The following DPEP1 variants were observed in gnomAD, a reference collection of about 807,000 sequenced individuals.
DPEP1 encodes the protein dipeptidase 1.
In DPEP1, 50 loss-of-function variants were observed where a neutral mutation model predicts 42.3. The ratio of observed to expected loss-of-function variants is 1.18; its 90% CI spans 0.94 to 1.50. The LOEUF (loss-of-function observed/expected upper bound fraction) is 1.50. DPEP1 is among the 40% of genes most tolerant of loss of function. The pLI, the probability that DPEP1 is intolerant of heterozygous loss-of-function variation, is 0.00. For synonymous variants in DPEP1, 297 were observed against 234.0 expected, an observed-to-expected ratio of 1.27 and a Z score of -2.46; for missense variants, 663 against 553.0, an observed-to-expected ratio of 1.20 and a Z score of -1.99.
At chr16:89,632,237 G>A (rs2059597547) in intron 2 of DPEP1, among the ~76,000 whole-genome samples, 1 of 152,112 alleles carries the variant, frequency 6.6e-6, no homozygotes. Flanking sequence ...ATTTTTAGTA[G>A]AGACAGGGTT....
chr16:89,640,882 C>T (rs900042454), downstream of DPEP1, among the ~76,000 whole-genome samples: 1 of 152,132 alleles, frequency 6.6e-6, no homozygotes, highest in Non-Finnish European at 1.5e-5. Context: ...CCGGTAGTGG[C>T]CCCGAATGCC....
chr16:89,637,620 C>T lies in DPEP1; in HGVS notation c.854-12C>T. 6.2e-7 allele frequency: 1 copy of T among 1,612,876 alleles called. No individual in the cohort carries two copies. ...CCTCACTCGGGACCCATACCTGCTG[C>T]TCCCTGGACAGACCATCTGGATCAC... On this transcript the variant is annotated splice_polypyrimidine_tract_variant and intron_variant, in intron 8 of 10. Transcript: ENST00000690203.
intron 1 of DPEP1, among the ~76,000 whole-genome samples, chr16:89,617,605 T>C (rs2059392067): frequency 6.6e-6 from 1 of 152,034 alleles, no homozygotes; most frequent in African/African-American, 2.4e-5. Flanking sequence ...CCCAGCACTT[T>C]GGGAGGCCGG....
At chr16:89,639,542 C>T, downstream of DPEP1, among the ~76,000 whole-genome samples, 1 of 133,620 alleles carries the variant, frequency 7.5e-6, no homozygotes, top group South Asian at 2.5e-4. Flanking sequence ...CACCTCTGCA[C>T]ACACACACAC....
chr16:89,640,523 C>T (rs115773273), downstream of DPEP1: 4,620 of 980,616 alleles, frequency 4.7e-3, 170 homozygotes, highest in African/African-American at 0.075. Flanking sequence ...GCTCTGAAGC[C>T]TCCAGAAGGG....
intron 1 of DPEP1, among the ~76,000 whole-genome samples, chr16:89,620,099 C>G (rs1176956696): frequency 6.6e-6 from 1 of 151,600 alleles, no homozygotes; most frequent in East Asian, 2.0e-4. Context: ...GCAGACCCTC[C>G]TTGGATTTCG....
chr16:89,628,547 C>G (rs1014056064), intron 1 of DPEP1, among the ~76,000 whole-genome samples: 5 of 151,894 alleles, frequency 3.3e-5, no homozygotes, highest in African/African-American at 1.2e-4. Context: ...TGTGAGCCAC[C>G]TTGCCCAGCC....
At chr16:89,617,705 C>T (rs74539740) in intron 1 of DPEP1, among the ~76,000 whole-genome samples, 5,294 of 9,440 alleles carry the variant, frequency 0.56, 1,368 homozygotes, top group Non-Finnish European at 0.73. Flanking sequence ...GGAGGTTGGG[C>T]ACGGTGGCTC....
intron 2 of DPEP1, among the ~76,000 whole-genome samples, chr16:89,631,156 T>TC (rs2059582799): frequency 6.6e-6 from 1 of 151,780 alleles, no homozygotes; most frequent in African/African-American, 2.4e-5. Context: ...CTCTTCCCAC[T>TC]CCCCCCGGCC....
rs78459708 is a variant in DPEP1 at position 89,629,638 on chromosome 16, G to C, written c.-106-667G>C. Among the ~76,000 whole-genome samples the C allele has an allele frequency of 2.0e-3, 305 of 151,992 alleles. 1 individual carries two copies. Among genetic ancestry groups the C allele is most frequent in the African/African-American group, 6.8e-3 (280 of 41,448 alleles). ...CCAGCCCTGGGATTAAGATTCTTCC[G>C]TCAGGGCACCACCTGGGAACTGTGT... On this transcript the variant is annotated intron_variant, in intron 1 of 10. Transcript: ENST00000690203.
rs571966708 is a variant in DPEP1 at position 89,635,246 on chromosome 16, G to C, written c.105-662G>C. On this transcript the variant is annotated intron_variant, in intron 2 of 10. Transcript: ENST00000690203. ...CCTTCCTTCTCATTTTTCCTCACGA[G>C]AGCTCCTACCCTCACCACCACCAGC... 2.2e-4 allele frequency among the ~76,000 whole-genome samples: 32 copies of C among 146,098 alleles called. 2 individuals are homozygous for C. Among genetic ancestry groups the C allele is most frequent in the Admixed American group, 1.0e-3 (15 of 14,336 alleles).
In DPEP1 at chr16:89,637,818, C is replaced by T; in HGVS notation, c.930-18C>T. On this transcript the variant is annotated intron_variant, in intron 9 of 10. Coordinates refer to ENST00000690203, the MANE Select transcript of DPEP1 (RefSeq NM_001389466.1). ...GTGTCCTAGTGTGGGGGCCCAGGTTCTCCTGGCCTCAACACAGGGTCCCTG... is the reference window on the plus strand; with the variant it reads ...GTGTCCTAGTGTGGGGGCCCAGGTTTTCCTGGCCTCAACACAGGGTCCCTG... 1 of 1,612,650 alleles carries T rather than the reference C, an allele frequency of 6.2e-7. No individual in the cohort carries two copies. Among genetic ancestry groups the T allele is most frequent in the Non-Finnish European group, 8.5e-7 (1 of 1,179,834 alleles).
chr16:89,628,001 C>G (rs1234362968), intron 1 of DPEP1, among the ~76,000 whole-genome samples: 1 of 152,152 alleles, frequency 6.6e-6, no homozygotes, highest in Non-Finnish European at 1.5e-5. Flanking sequence ...CGGCTCACTG[C>G]AAGCTCTGCC....
intron 1 of DPEP1, among the ~76,000 whole-genome samples, chr16:89,617,894 T>C (rs12930783): frequency 0.98 from 148,629 of 152,086 alleles, 72,705 homozygotes; most frequent in East Asian, 1. Context: ...TGTGGTGGCA[T>C]GCACCTGTAA....
intron 1 of DPEP1, among the ~76,000 whole-genome samples, chr16:89,616,593 C>G (rs145205145): frequency 2.6e-5 from 4 of 152,196 alleles, no homozygotes; most frequent in Non-Finnish European, 5.9e-5. Context: ...GGCACTGGGA[C>G]CTGCAGCAGG....
chr16:89,635,356 G>A (rs1022657872), intron 2 of DPEP1, among the ~76,000 whole-genome samples: 3 of 152,182 alleles, frequency 2.0e-5, no homozygotes, highest in African/African-American at 4.8e-5. Context: ...CTTCCCTGGG[G>A]ACAGAGGCAG....
intron 1 of DPEP1, among the ~76,000 whole-genome samples, chr16:89,615,518 G>C (rs1015523850): frequency 2.6e-5 from 4 of 152,208 alleles, no homozygotes; most frequent in Non-Finnish European, 4.4e-5. Flanking sequence ...CTTGCTCTCA[G>C]GGGTGAGGGC....
intron 1 of DPEP1, among the ~76,000 whole-genome samples, chr16:89,629,329 C>G (rs1322878423): frequency 6.6e-6 from 1 of 152,030 alleles, no homozygotes; most frequent in African/African-American, 2.4e-5. Context: ...GGGGAAGACC[C>G]CATCTCTACA....
At position 89,618,964 on chromosome 16, in the gene DPEP1, C is replaced by CTCCCTGCCCCCCCGCTCCCCTCCCTGCAG. The variant is rs2059411607; in HGVS notation, c.-107+5245_-107+5246insTCCCTGCCCCCCCGCTCCCCTCCCTGCAG. Among the ~76,000 whole-genome samples, 3 of 6,282 alleles carry CTCCCTGCCCCCCCGCTCCCCTCCCTGCAG rather than the reference C, an allele frequency of 4.8e-4. 1 individual carries two copies. The highest frequency in any genetic ancestry group is 0.023 in the East Asian group (2 of 86). 4.1% of individuals were successfully genotyped at this position (6,282 alleles called of 152,430 possible). ...TGCCCCCCTGCTCCCCTCCCTGCAG[C>CTCCCTGCCCCCCCGCTCCCCTCCCTGCAG]CCCCCTGCCCCCCCGCTCCCCTCCC... On this transcript the variant is annotated intron_variant, in intron 1 of 10. Transcript: ENST00000690203.
Sources: allele counts gnomAD v4.1 joint callset (sites outside exome capture counted in the v4.1 genomes callset), GRCh38; gene constraint gnomAD v4.1.1; transcripts MANE v1.5; gene names NCBI Gene and HGNC (gene_info 2026-07-23, HGNC 2026-07-21).